TRMT11: variants seen among roughly 807,000 people sequenced by gnomAD.
The protein encoded by TRMT11 is tRNA (guanine(10)-N(2))-methyltransferase TRMT11.
Under a neutral mutation model 62.8 loss-of-function variants are expected in TRMT11, and 53 were observed. The ratio of observed to expected loss-of-function variants is 0.84; its 90% confidence interval spans 0.68 to 1.06. TRMT11 has a LOEUF of 1.06. TRMT11 is among the 50% of genes least tolerant of loss of function. TRMT11 has a pLI of 0.00. For missense variants in TRMT11, 556 were observed against 553.4 expected (o/e 1.00, Z -0.05); for synonymous variants, 188 against 190.3 (o/e 0.99, Z 0.10).
chr6:126,066,505 AACCTGTTTCTCTTCTC>A (rs1776695510), intron 17 of TRMT11, among the ~76,000 whole-genome samples: 1 of 152,078 alleles, frequency 6.6e-6, no homozygotes, highest in Non-Finnish European at 1.5e-5. Context: ...AGGGAGCTCT[AACCTGTTTCTCTTCTC>A]ACAGGGACGC....
At chr6:126,242,338 T>C in the TRMT11 span, among the ~76,000 whole-genome samples, 5 of 151,994 alleles carry the variant, frequency 3.3e-5, no homozygotes, top group African/African-American at 1.2e-4. Flanking sequence ...AGAATCAATA[T>C]CGTGAAAATG....
chr6:126,196,961 TAC>T (rs1778673973), intron 1 of TRMT11, among the ~76,000 whole-genome samples: 2 of 152,290 alleles, frequency 1.3e-5, no homozygotes, highest in African/African-American at 4.8e-5. Context: ...AATGAGAAGA[TAC>T]ATAGTTTCTC....
intron 17 of TRMT11, among the ~76,000 whole-genome samples, chr6:126,059,620 AATT>A (rs1241683396): frequency 6.6e-6 from 1 of 152,158 alleles, no homozygotes; most frequent in Non-Finnish European, 1.5e-5. Flanking sequence ...ATGTCCTAGG[AATT>A]ATTATATCAA....
chr6:126,145,046 C>G (rs1777959164), intron 21 of TRMT11, among the ~76,000 whole-genome samples: 1 of 151,990 alleles, frequency 6.6e-6, no homozygotes. Flanking sequence ...CTCTATGGTC[C>G]TAGACATTAG....
chr6:126,235,959 T>C, the TRMT11 span, among the ~76,000 whole-genome samples: 1 of 152,242 alleles, frequency 6.6e-6, no homozygotes, highest in Non-Finnish European at 1.5e-5. Flanking sequence ...GCCATGTGAA[T>C]ATGTTGGTAC....
chr6:126,151,814 C>CTTTCTTTCTTTG (rs1778047091), intron 21 of TRMT11, among the ~76,000 whole-genome samples: 1 of 90,702 alleles, frequency 1.1e-5, no homozygotes, highest in African/African-American at 4.4e-5. Flanking sequence ...TCTTTTCTTT[C>CTTTCTTTCTTTG]TTTCTTTCTT....
At chr6:126,222,800 TG>T in the TRMT11 span, among the ~76,000 whole-genome samples, 1 of 152,244 alleles carries the variant, frequency 6.6e-6, no homozygotes, top group Non-Finnish European at 1.5e-5. Flanking sequence ...GCCTTTTAAG[TG>T]GACACATTTA....
At chr6:126,165,668 C>A (rs960243272) in intron 21 of TRMT11, among the ~76,000 whole-genome samples, 1 of 152,208 alleles carries the variant, frequency 6.6e-6, no homozygotes, top group African/African-American at 2.4e-5. Context: ...GTCTGATGGG[C>A]TTCCCTTTGT....
At chr6:126,221,994 G>T in the TRMT11 span, among the ~76,000 whole-genome samples, 1 of 152,132 alleles carries the variant, frequency 6.6e-6, no homozygotes, top group Non-Finnish European at 1.5e-5. Flanking sequence ...TGTAAAAGGC[G>T]AAAGGAAAGG....
chr6:126,071,708 G>A (rs1394729453), intron 17 of TRMT11, among the ~76,000 whole-genome samples: 1 of 151,652 alleles, frequency 6.6e-6, no homozygotes, highest in African/African-American at 2.4e-5. Flanking sequence ...CAAGAATCGG[G>A]AAGAAGAATG....
chr6:126,157,725 G>A (rs1048139576), intron 21 of TRMT11, among the ~76,000 whole-genome samples: 2 of 152,118 alleles, frequency 1.3e-5, no homozygotes, highest in African/African-American at 4.8e-5. Context: ...CTGATGAAAA[G>A]GAATTAAATT....
intron 17 of TRMT11, among the ~76,000 whole-genome samples, chr6:126,103,352 G>T (rs1005927526): frequency 6.6e-6 from 1 of 152,178 alleles, no homozygotes; most frequent in African/African-American, 2.4e-5. Flanking sequence ...CAATTGAGTT[G>T]TCTTTGTATT....
At chr6:126,156,943 C>T (rs180858151) in intron 21 of TRMT11, among the ~76,000 whole-genome samples, 6 of 152,282 alleles carry the variant, frequency 3.9e-5, no homozygotes, top group East Asian at 1.9e-4. Flanking sequence ...TCTTCCTCAG[C>T]GGTGGAATCT....
intron 21 of TRMT11, among the ~76,000 whole-genome samples, chr6:126,160,832 A>G (rs1778181659): frequency 6.6e-6 from 1 of 152,132 alleles, no homozygotes; most frequent in South Asian, 2.1e-4. Context: ...CCAAACAATA[A>G]TCTTCTTTTA....
intron 17 of TRMT11, among the ~76,000 whole-genome samples, chr6:126,102,071 G>A (rs1014842669): frequency 6.6e-6 from 1 of 152,132 alleles, no homozygotes; most frequent in Admixed American, 6.6e-5. Flanking sequence ...TGCAAGAGAG[G>A]GGATGGGTGC....
At chr6:126,157,534 T>C (rs537027582) in intron 21 of TRMT11, among the ~76,000 whole-genome samples, 185 of 152,224 alleles carry the variant, frequency 1.2e-3, no homozygotes, top group Non-Finnish European at 2.2e-3. Context: ...TTTTCCTGAG[T>C]CAATGAACCC....
intron 17 of TRMT11, among the ~76,000 whole-genome samples, chr6:126,097,118 G>A (rs971947917): frequency 2.0e-5 from 3 of 152,148 alleles, no homozygotes; most frequent in South Asian, 2.1e-4. Flanking sequence ...ATTTTCCCCC[G>A]AAATGTATGA....
At chr6:126,137,502 A>C (rs969843395) in intron 21 of TRMT11, among the ~76,000 whole-genome samples, 5 of 151,868 alleles carry the variant, frequency 3.3e-5, no homozygotes, top group Non-Finnish European at 7.4e-5. Flanking sequence ...GACGCAGAGA[A>C]AGGAGAACAC....
Position 126,136,090 on chromosome 6 carries a change from C to A in TRMT11, c.*1823+20235C>A, listed in dbSNP as rs78495550. 3.1e-3 allele frequency among the ~76,000 whole-genome samples: 475 copies of A among 151,722 alleles called. 8 individuals carry two copies. The highest frequency in any genetic ancestry group is 0.029 in the East Asian group (150 of 5,160). The stretch of plus-strand genomic sequence containing the variant: ...AAGATCTGTAATAAGATAAGGAAGC[C>A]CACTTTCACCATATGTATTCAACAG... On this transcript the variant is annotated intron_variant and NMD_transcript_variant, in intron 21 of 22. Transcript: ENST00000648977.
Sources: allele counts gnomAD v4.1 joint callset (sites outside exome capture counted in the v4.1 genomes callset), GRCh38; gene constraint gnomAD v4.1.1; transcripts MANE v1.5; gene names NCBI Gene and HGNC (gene_info 2026-07-23, HGNC 2026-07-21).